FRMD4A: variants seen among roughly 807,000 people sequenced by gnomAD.
FRMD4A encodes FERM domain-containing protein 4A.
Under a neutral mutation model 129.1 loss-of-function variants are expected in FRMD4A, and 29 were observed. That is an observed-to-expected ratio of 0.22 (90% CI 0.17 to 0.31). The LOEUF (loss-of-function observed/expected upper bound fraction) is 0.31, where lower values mean the gene tolerates loss of function less well. FRMD4A is among the 10% of genes least tolerant of loss of function. The pLI, the probability that FRMD4A is intolerant of heterozygous loss-of-function variation, is 1.00. For synonymous variants in FRMD4A, 634 were observed against 571.6 expected (o/e 1.11, Z -1.56); for missense variants, 1,272 against 1,375.8 (o/e 0.92, Z 1.19).
At position 14,131,536 on chromosome 10, in the gene FRMD4A, C is replaced by T. The variant is rs549968960; in HGVS notation, c.45+198522G>A. On this transcript the variant is annotated intron_variant, in intron 2 of 24. Transcript: ENST00000357447. ...AGATTCCAAACATGAACAACACAGA[C>T]AGCATAACTTAGTTAAGTGCCTGTG... Among the ~76,000 whole-genome samples the T allele has an allele frequency of 2.7e-4, 41 of 152,168 alleles. 1 individual carries two copies. Among genetic ancestry groups the T allele is most frequent in the South Asian group, 2.1e-4 (1 of 4,822 alleles).
At chr10:14,280,954 G>A (rs895736129) in intron 2 of FRMD4A, among the ~76,000 whole-genome samples, 5 of 147,614 alleles carry the variant, frequency 3.4e-5, no homozygotes, top group Admixed American at 6.8e-5. Context: ...TCATATAGAT[G>A]AGCCCTGATC....
intron 2 of FRMD4A, among the ~76,000 whole-genome samples, chr10:14,230,373 C>A (rs1460203402): frequency 1.3e-5 from 2 of 152,174 alleles, no homozygotes; most frequent in Non-Finnish European, 2.9e-5. Flanking sequence ...GTGCAAATTT[C>A]TTTAGCTATT....
intron 2 of FRMD4A, among the ~76,000 whole-genome samples, chr10:14,267,790 C>A (rs1452923054): frequency 2.6e-5 from 4 of 152,132 alleles, no homozygotes; most frequent in Non-Finnish European, 5.9e-5. Flanking sequence ...TATCACTTAG[C>A]TTTGGGAAAA....
At chr10:14,015,273 TCTTC>T (rs1238731512) in intron 2 of FRMD4A, among the ~76,000 whole-genome samples, 1 of 84,550 alleles carries the variant, frequency 1.2e-5, no homozygotes, top group Admixed American at 1.1e-4. Flanking sequence ...TTCCTTCCTT[TCTTC>T]CTTCCTTCCC....
chr10:13,783,768 A>T (rs1244317409), intron 5 of FRMD4A, among the ~76,000 whole-genome samples: 1 of 152,212 alleles, frequency 6.6e-6, no homozygotes, highest in African/African-American at 2.4e-5. Context: ...ATTTCTGCAC[A>T]TTCGGAGAGC....
chr10:14,033,451 G>C (rs1385917290), intron 2 of FRMD4A, among the ~76,000 whole-genome samples: 1 of 151,930 alleles, frequency 6.6e-6, no homozygotes, highest in Non-Finnish European at 1.5e-5. Flanking sequence ...CTAATGTCAA[G>C]GAACCAACCT....
chr10:13,693,859 C>T, intron 15 of FRMD4A, 39 bp downstream of exon 15: 4 of 1,606,426 alleles, frequency 2.5e-6, no homozygotes, highest in Non-Finnish European at 3.4e-6. Context: ...GGGTCCCAGC[C>T]ATGCTCAGGG....
intron 3 of FRMD4A, among the ~76,000 whole-genome samples, chr10:13,835,859 T>C (rs541247840): frequency 6.6e-6 from 1 of 152,334 alleles, no homozygotes; most frequent in South Asian, 2.1e-4. Flanking sequence ...TTCACCAGTC[T>C]GGAAAAATTG....
chr10:14,115,701 T>TTG, intron 2 of FRMD4A, among the ~76,000 whole-genome samples: 1 of 152,116 alleles, frequency 6.6e-6, no homozygotes, highest in Non-Finnish European at 1.5e-5. Context: ...GGTACCTCCC[T>TTG]CCCCGCTCTC....
At chr10:13,743,111 T>C (rs929589920) in intron 9 of FRMD4A, among the ~76,000 whole-genome samples, 17 of 152,196 alleles carry the variant, frequency 1.1e-4, no homozygotes, top group African/African-American at 4.1e-4. Flanking sequence ...CTTGCCTCAG[T>C]TGGAGAGTCA....
chr10:13,870,066 A>G (rs1433029107), intron 2 of FRMD4A, among the ~76,000 whole-genome samples: 3 of 152,126 alleles, frequency 2.0e-5, no homozygotes, highest in Admixed American at 2.0e-4. Context: ...AATCCTTACA[A>G]AGGAAAGGGA....
At chr10:13,902,295 C>A (rs1241743488) in intron 2 of FRMD4A, among the ~76,000 whole-genome samples, 1 of 152,126 alleles carries the variant, frequency 6.6e-6, no homozygotes, top group Non-Finnish European at 1.5e-5. Context: ...GGATTACAGG[C>A]ATGAGCCAGT....
At chr10:13,928,630 T>TA (rs2095161212) in intron 2 of FRMD4A, among the ~76,000 whole-genome samples, 1 of 152,228 alleles carries the variant, frequency 6.6e-6, no homozygotes, top group African/African-American at 2.4e-5. Flanking sequence ...ATATTCTCCT[T>TA]AATGGCCTGT....
chr10:13,979,965 C>A (rs1482201813), intron 2 of FRMD4A, among the ~76,000 whole-genome samples: 1 of 152,148 alleles, frequency 6.6e-6, no homozygotes, highest in Non-Finnish European at 1.5e-5. Context: ...CTATGAGCAC[C>A]CCATTCCCTT....
chr10:13,927,454 G>T (rs1416746848), intron 2 of FRMD4A, among the ~76,000 whole-genome samples: 2 of 152,070 alleles, frequency 1.3e-5, no homozygotes, highest in Non-Finnish European at 2.9e-5. Context: ...ATCATATATT[G>T]GTATCTGATT....
chr10:14,259,806 A>G (rs144648822), intron 2 of FRMD4A, among the ~76,000 whole-genome samples: 19 of 151,986 alleles, frequency 1.3e-4, no homozygotes, highest in Non-Finnish European at 2.5e-4. Context: ...TCATCATGGA[A>G]TCCTCTTTGC....
rs188239299 is a variant in FRMD4A at position 14,058,189 on chromosome 10, T to C, written c.46-199277A>G. ...CCCAAATGCTAGCTTCCCAAACCCA[T>C]AGGGACAAGAAAGCCGAGGGGATTT... On this transcript the variant is annotated intron_variant, in intron 2 of 24. Transcript: ENST00000357447. Among the ~76,000 whole-genome samples the C allele has an allele frequency of 1.4e-3, 211 of 152,252 alleles. 1 individual carries two copies. In the Middle Eastern group the frequency reaches 0.027, roughly 20 times the overall value.
rs1030059309 is a variant in FRMD4A, at chr10:13,858,764, C to T, written c.111+83G>A. 85 of 815,450 alleles carry T rather than the reference C, an allele frequency of 1.0e-4. No individual in the cohort carries two copies. In the South Asian group the frequency reaches 1.1e-3, roughly 11 times the overall value. The allele number at this position is 815,450 out of a possible 1,614,324, so 50.5% of individuals were successfully genotyped here. A position where few individuals can be genotyped will look rare whatever the true frequency, so the allele number is the denominator to read the frequency against. On this transcript the variant is annotated intron_variant, in intron 3 of 24. Coordinates refer to ENST00000357447, the MANE Select transcript of FRMD4A (RefSeq NM_018027.5). The stretch of plus-strand genomic sequence containing the variant: ...GAGATTTAAAAACAGTTTACCAAAT[C>T]CCCCTTCATCCCCAGCTGGATCAAG...
intron 2 of FRMD4A, among the ~76,000 whole-genome samples, chr10:14,148,935 C>G (rs551495663): frequency 2.0e-4 from 30 of 152,236 alleles, no homozygotes; most frequent in African/African-American, 6.3e-4. Flanking sequence ...TGCATACATA[C>G]CCAGACAAAT....
Sources: allele counts gnomAD v4.1 joint callset (sites outside exome capture counted in the v4.1 genomes callset), GRCh38; gene constraint gnomAD v4.1.1; transcripts MANE v1.5; gene names NCBI Gene and HGNC (gene_info 2026-07-23, HGNC 2026-07-21).